CLEC2A: variants seen among roughly 807,000 people sequenced by gnomAD.
CLEC2A encodes the protein C-type lectin domain family 2 member A.
In CLEC2A, 19 loss-of-function variants were observed where a neutral mutation model predicts 18.6. The observed-to-expected ratio is 1.02, with a 90% CI of 0.71 to 1.50. The LOEUF (loss-of-function observed/expected upper bound fraction) is 1.50. Among genes scored for constraint, CLEC2A ranks in the 40% most tolerant of loss-of-function variants. CLEC2A has a pLI of 0.00. For missense variants in CLEC2A, 190 were observed against 207.9 expected (o/e 0.91, Z 0.53); for synonymous variants, 74 against 64.0 (o/e 1.16, Z -0.75).
At chr12:9,892,635 A>T in the CLEC2A span, among the ~76,000 whole-genome samples, 1 of 119,206 alleles carries the variant, frequency 8.4e-6, no homozygotes, top group African/African-American at 3.3e-5. Flanking sequence ...CCCAGGCTGG[A>T]GTGTAATGGC....
At chr12:9,910,308 T>C (rs1862965665), downstream of CLEC2A, among the ~76,000 whole-genome samples, 3 of 152,214 alleles carry the variant, frequency 2.0e-5, no homozygotes, top group Admixed American at 6.5e-5. Context: ...TTCCCTGTCT[T>C]ATTTGAAACA....
chr12:9,900,893 T>C (rs1187297378), intron 4 of CLEC2A, among the ~76,000 whole-genome samples: 1 of 152,042 alleles, frequency 6.6e-6, no homozygotes, highest in Non-Finnish European at 1.5e-5. Flanking sequence ...AAAAGAAAAA[T>C]GGATTCTTAT....
downstream of CLEC2A, among the ~76,000 whole-genome samples, chr12:9,894,126 TTCTCTCTCTC>T (rs141327204): frequency 2.6e-4 from 34 of 130,290 alleles, no homozygotes; most frequent in Non-Finnish European, 3.5e-4. Context: ...TTTCTTTTCT[TTCTCTCTCTC>T]TCTCTCTCTC....
At chr12:9,908,201 T>G (rs1327781998) in intron 4 of CLEC2A, among the ~76,000 whole-genome samples, 1 of 152,178 alleles carries the variant, frequency 6.6e-6, no homozygotes, top group Admixed American at 6.5e-5. Context: ...GGACTTGAGG[T>G]CTTCCTTGAT....
intron 4 of CLEC2A, among the ~76,000 whole-genome samples, chr12:9,906,897 G>A (rs1167766031): frequency 6.6e-6 from 1 of 152,192 alleles, no homozygotes; most frequent in Non-Finnish European, 1.5e-5. Context: ...GCTGGGTTGA[G>A]TGAGTTATCA....
At chr12:9,921,536 G>A (rs1332408754) in intron 3 of CLEC2A, among the ~76,000 whole-genome samples, 1 of 152,132 alleles carries the variant, frequency 6.6e-6, no homozygotes, top group Non-Finnish European at 1.5e-5. Context: ...ACAGTGAGCT[G>A]AGATTGCACC....
chr12:9,890,032 C>T, the CLEC2A span, among the ~76,000 whole-genome samples: 1 of 151,816 alleles, frequency 6.6e-6, no homozygotes, highest in Non-Finnish European at 1.5e-5. Flanking sequence ...AAAACAGCAC[C>T]AATAATTATC....
In CLEC2A at chr12:9,930,840, C is replaced by T. The variant is rs970409306; in HGVS notation, c.55+1435G>A. The stretch of plus-strand genomic sequence containing the variant: ...TTATTTTATATTTTCTAACTGTTTT[C>T]TTTTCTGTCATGTTTTTAATAGCAT... On this transcript the variant is annotated intron_variant, in intron 1 of 4. Coordinates refer to ENST00000455827, the MANE Select transcript of CLEC2A (RefSeq NM_001130711.2). Among the ~76,000 whole-genome samples the T allele has an allele frequency of 1.7e-4, 25 of 151,224 alleles. 2 individuals carry two copies. The highest frequency in any genetic ancestry group is 1.4e-3 in the Admixed American group (21 of 15,192).
intron 4 of CLEC2A, among the ~76,000 whole-genome samples, chr12:9,900,602 G>A (rs1862812332): frequency 6.6e-6 from 1 of 152,184 alleles, no homozygotes; most frequent in African/African-American, 2.4e-5. Flanking sequence ...GCCCAGCCCA[G>A]TCATGGGTTT....
At chr12:9,886,600 A>G in the CLEC2A span, among the ~76,000 whole-genome samples, 1 of 152,186 alleles carries the variant, frequency 6.6e-6, no homozygotes, top group Non-Finnish European at 1.5e-5. Context: ...ATTCTTTAAT[A>G]CATACAATGC....
At chr12:9,927,032 T>C (rs1298071733) in intron 1 of CLEC2A, among the ~76,000 whole-genome samples, 1 of 151,912 alleles carries the variant, frequency 6.6e-6, no homozygotes, top group African/African-American at 2.4e-5. Flanking sequence ...TGCGTGTATG[T>C]GTGTGTCTGT....
Position 9,916,783 on chromosome 12 carries a change from T to C in CLEC2A, c.327A>G (p.Ala109=). The change falls in exon 4 of 5, where the codon GCA becomes GCG. Residue 109 remains alanine, a synonymous_variant. Coordinates refer to ENST00000455827, the MANE Select transcript of CLEC2A (RefSeq NM_001130711.2). ...QEDMEFLKRY[A]GTDMHWIGLS... is the part of the protein sequence containing the mutation. ...GTCCAATCCAGTGCATATCAGTTCCTGCGTACCTCTTCAAAAATTCCTTTC... is the reference window on the plus strand; with the variant it reads ...GTCCAATCCAGTGCATATCAGTTCCCGCGTACCTCTTCAAAAATTCCTTTC... 1 of 1,550,994 alleles carries C rather than the reference T, an allele frequency of 6.4e-7. No homozygotes were observed. The highest frequency in any genetic ancestry group is 1.2e-5 in the South Asian group (1 of 83,962).
At chr12:9,912,113 A>C (rs1862995898), downstream of CLEC2A, among the ~76,000 whole-genome samples, 2 of 152,322 alleles carry the variant, frequency 1.3e-5, no homozygotes, top group Middle Eastern at 3.4e-3. Context: ...TTAACTGCTG[A>C]TGGGGTAGAA....
the CLEC2A span, among the ~76,000 whole-genome samples, chr12:9,889,046 C>G: frequency 8.7e-3 from 1,324 of 152,250 alleles, 13 homozygotes; most frequent in Admixed American, 0.015. Context: ...CCTGCCATAC[C>G]TAACTTGCCA....
rs181531351 is a variant in CLEC2A at position 9,920,511 on chromosome 12, C to T, written c.306+1555G>A. 2.6e-3 allele frequency among the ~76,000 whole-genome samples: 392 copies of T among 152,328 alleles called. 1 individual carries two copies. Among genetic ancestry groups the T allele is most frequent in the African/African-American group, 8.9e-3 (371 of 41,578 alleles). On this transcript the variant is annotated intron_variant, in intron 3 of 4. Transcript: ENST00000455827. The stretch of plus-strand genomic sequence containing the variant: ...CCCTGGGCGAGGGGAGTTCCCCTGG[C>T]TCCATGTCGTTCCCAGGTTGGCCAT...
chr12:9,909,668 G>A (rs1249387559), downstream of CLEC2A, among the ~76,000 whole-genome samples: 3 of 152,174 alleles, frequency 2.0e-5, no homozygotes, highest in African/African-American at 4.8e-5. Flanking sequence ...CCAGGGATAG[G>A]GGATAAAGGG....
At chr12:9,894,124 CTT>C (rs757304048), downstream of CLEC2A, among the ~76,000 whole-genome samples, 1 of 94,460 alleles carries the variant, frequency 1.1e-5, no homozygotes, top group South Asian at 5.3e-4. Flanking sequence ...TCTTTCTTTT[CTT>C]TCTCTCTCTC....
At chr12:9,907,888 C>T (rs1862927577) in intron 4 of CLEC2A, among the ~76,000 whole-genome samples, 1 of 152,204 alleles carries the variant, frequency 6.6e-6, no homozygotes, top group Non-Finnish European at 1.5e-5. Context: ...AAGTGTATTA[C>T]TGTAAACCAT....
chr12:9,927,148 A>G (rs576136455), intron 1 of CLEC2A, among the ~76,000 whole-genome samples: 3 of 152,168 alleles, frequency 2.0e-5, no homozygotes, highest in Admixed American at 6.6e-5. Context: ...ATGTACTTAC[A>G]CAAACTTAGA....
Sources: allele counts gnomAD v4.1 joint callset (sites outside exome capture counted in the v4.1 genomes callset), GRCh38; gene constraint gnomAD v4.1.1; transcripts MANE v1.5; gene names NCBI Gene and HGNC (gene_info 2026-07-23, HGNC 2026-07-21).